The following SNAP25 variants were observed in gnomAD, a reference collection of about 807,000 sequenced individuals.
SNAP25 encodes synaptosome associated protein 25.
Under a neutral mutation model 28.7 loss-of-function variants are expected in SNAP25, and 3 were observed. The ratio of observed to expected loss-of-function variants is 0.10; its 90% CI spans 0.05 to 0.27. SNAP25 has a LOEUF of 0.27. Ranked by LOEUF, SNAP25 falls within the 10% of genes least tolerant of loss-of-function variation. The probability of loss-of-function intolerance (pLI) is 1.00; values close to 1 mark genes in which losing one functional copy is unlikely to be tolerated. For synonymous variants in SNAP25, 61 were observed against 88.1 expected, an observed-to-expected ratio of 0.69 and a Z score of 1.72; for missense variants, 117 against 278.7, an observed-to-expected ratio of 0.42 and a Z score of 4.13.
chr20:10,269,162 C>T (rs529432561), intron 1 of SNAP25, among the ~76,000 whole-genome samples: 7 of 152,286 alleles, frequency 4.6e-5, no homozygotes, highest in Admixed American at 3.9e-4. Context: ...TGTAACCCGG[C>T]ACTTTGGGAG....
chr20:10,283,630 T>C (rs1410923228), intron 3 of SNAP25, among the ~76,000 whole-genome samples: 1 of 152,270 alleles, frequency 6.6e-6, no homozygotes, highest in Non-Finnish European at 1.5e-5. Context: ...GTTAAAATAC[T>C]ATTTTTTTAA....
At chr20:10,227,114 G>A (rs1432958679) in intron 1 of SNAP25, among the ~76,000 whole-genome samples, 4 of 151,976 alleles carry the variant, frequency 2.6e-5, no homozygotes, top group Admixed American at 2.6e-4. Flanking sequence ...CAGTGATTCG[G>A]GATCAAGTAG....
chr20:10,277,196 C>T (rs1427571432), intron 2 of SNAP25, among the ~76,000 whole-genome samples: 1 of 152,072 alleles, frequency 6.6e-6, no homozygotes, highest in Non-Finnish European at 1.5e-5. Context: ...ATTTTTTTCA[C>T]CCTAAGGCAA....
intron 1 of SNAP25, among the ~76,000 whole-genome samples, chr20:10,236,558 T>G (rs1331141138): frequency 6.6e-6 from 1 of 152,148 alleles, no homozygotes; most frequent in Non-Finnish European, 1.5e-5. Flanking sequence ...TCTCATCTAA[T>G]TACAAGAGCT....
At chr20:10,291,363 A>G (rs2063994868) in intron 4 of SNAP25, among the ~76,000 whole-genome samples, 1 of 151,830 alleles carries the variant, frequency 6.6e-6, no homozygotes, top group South Asian at 2.1e-4. Context: ...GGCATGAGCC[A>G]CCACACCCAG....
At chr20:10,253,214 C>T (rs888043097) in intron 1 of SNAP25, among the ~76,000 whole-genome samples, 7 of 152,266 alleles carry the variant, frequency 4.6e-5, no homozygotes, top group African/African-American at 1.2e-4. Flanking sequence ...AGCTACAAAC[C>T]GCAAGGAGTA....
chr20:10,285,744 G>A (rs2123071025), intron 4 of SNAP25, among the ~76,000 whole-genome samples: 2 of 152,234 alleles, frequency 1.3e-5, no homozygotes, highest in South Asian at 4.1e-4. Flanking sequence ...AATTCAGAGA[G>A]CCCTTGCATA....
chr20:10,273,244 GCCC>G (rs2063629189), intron 1 of SNAP25, among the ~76,000 whole-genome samples: 1 of 151,924 alleles, frequency 6.6e-6, no homozygotes, highest in African/African-American at 2.4e-5. Context: ...GTGCCCCAAG[GCCC>G]CAAATCTAAT....
chr20:10,296,106 A>G (rs2064103358), intron 5 of SNAP25: 1 of 152,246 alleles, frequency 6.6e-6, no homozygotes, highest in South Asian at 2.1e-4. Context: ...GGCTTAAATG[A>G]GAATGCTTCA....
chr20:10,274,802 C>T (rs2063659384), intron 1 of SNAP25, among the ~76,000 whole-genome samples: 1 of 151,980 alleles, frequency 6.6e-6, no homozygotes, highest in Non-Finnish European at 1.5e-5. Flanking sequence ...GAGATCACGC[C>T]ACTGCACTCC....
At chr20:10,253,586 C>T (rs571077096) in intron 1 of SNAP25, among the ~76,000 whole-genome samples, 1 of 152,276 alleles carries the variant, frequency 6.6e-6, no homozygotes, top group South Asian at 2.1e-4. Context: ...ATCCCTGTTA[C>T]TATGAGCACC....
At chr20:10,241,410 A>G (rs1001870060) in intron 1 of SNAP25, among the ~76,000 whole-genome samples, 8 of 151,980 alleles carry the variant, frequency 5.3e-5, no homozygotes, top group Non-Finnish European at 7.4e-5. Flanking sequence ...CTGAGCATCT[A>G]TTACATGCCT....
At chr20:10,302,203 G>C (rs1402217380) in intron 7 of SNAP25, among the ~76,000 whole-genome samples, 1 of 152,082 alleles carries the variant, frequency 6.6e-6, no homozygotes, top group Non-Finnish European at 1.5e-5. Flanking sequence ...TCGCACTCCA[G>C]CCTGGGCAAC....
chr20:10,252,296 TG>T (rs1429557883), intron 1 of SNAP25, among the ~76,000 whole-genome samples: 2 of 152,220 alleles, frequency 1.3e-5, no homozygotes, highest in East Asian at 3.8e-4. Flanking sequence ...AAGATTTATA[TG>T]GTCAGTCAGG....
At chr20:10,292,554 A>T (rs1445462416) in intron 4 of SNAP25, among the ~76,000 whole-genome samples, 2 of 152,106 alleles carry the variant, frequency 1.3e-5, no homozygotes, top group African/African-American at 4.8e-5. Flanking sequence ...TAAAACATAA[A>T]CTAACACCCT....
At position 10,306,408 on chromosome 20, in the gene SNAP25, T is replaced by G; in HGVS notation, c.*211T>G. Reference sequence around the variant, plus strand: ...CTTTCTTTCCAAAGGTTGTACATAGTGGTCATTTGGTGGCTCTAACTCCTT... The same window carrying G: ...CTTTCTTTCCAAAGGTTGTACATAGGGGTCATTTGGTGGCTCTAACTCCTT... On this transcript the variant is annotated 3_prime_UTR_variant, in exon 8 of 8. Transcript: ENST00000254976. 2.2e-6 allele frequency: 1 copy of G among 462,320 alleles called. No homozygotes were observed. The allele number at this position is 462,320 out of a possible 1,614,324, so 28.6% of individuals were successfully genotyped here.
intron 4 of SNAP25, among the ~76,000 whole-genome samples, chr20:10,292,346 G>A (rs1468093905): frequency 1.3e-5 from 2 of 152,112 alleles, no homozygotes; most frequent in African/African-American, 4.8e-5. Flanking sequence ...GGCTACCTCT[G>A]GCTAGACTGC....
chr20:10,229,787 T>C (rs1468599026), intron 1 of SNAP25, among the ~76,000 whole-genome samples: 1 of 152,132 alleles, frequency 6.6e-6, no homozygotes, highest in South Asian at 2.1e-4. Context: ...GGTCTTGCAA[T>C]GGATTCTAAG....
intron 2 of SNAP25, among the ~76,000 whole-genome samples, chr20:10,276,650 G>A (rs1046201279): frequency 6.6e-6 from 1 of 152,132 alleles, no homozygotes; most frequent in African/African-American, 2.4e-5. Flanking sequence ...AACTACTCTG[G>A]TTCATCACAT....
Sources: gnomAD v4.1 joint callset for allele counts (sites outside exome capture counted in the v4.1 genomes callset) on GRCh38, gnomAD v4.1.1 for gene constraint, MANE v1.5 for transcripts, NCBI Gene and HGNC (gene_info 2026-07-23, HGNC 2026-07-21) for gene names.